F5: variants seen among roughly 807,000 people sequenced by gnomAD.
F5 encodes the protein coagulation factor V, also known as activated protein c cofactor.
Under a neutral mutation model 216.4 loss-of-function variants are expected in F5, and 138 were observed. The observed-to-expected ratio is 0.64, with a 90% confidence interval of 0.56 to 0.73. The LOEUF is 0.73. Ranked by LOEUF, F5 falls within the 30% of genes least tolerant of loss-of-function variation. The probability of loss-of-function intolerance (pLI) is 0.00; values close to 1 mark genes in which losing one functional copy is unlikely to be tolerated. For synonymous variants in F5, 916 were observed against 930.7 expected, an observed-to-expected ratio of 0.98 and a Z score of 0.29; for missense variants, 2,403 against 2,674.0, an observed-to-expected ratio of 0.90 and a Z score of 2.24.
At chr1:169,546,396 C>T (rs775030964) in intron 11 of F5, 46 bp downstream of exon 11, 4 of 1,611,436 alleles carry the variant, frequency 2.5e-6, no homozygotes, top group Non-Finnish European at 3.4e-6. Context: ...CATATTTCAA[C>T]CACAGGAATG....
At chr1:169,573,467 G>A (rs920176827) in intron 2 of F5, among the ~76,000 whole-genome samples, 1 of 152,174 alleles carries the variant, frequency 6.6e-6, no homozygotes, top group Non-Finnish European at 1.5e-5. Context: ...AACGTGATGA[G>A]TAGTGGTTGG....
rs574958040 is a variant in F5 at position 169,535,932 on chromosome 1, G to A, written c.4971+574C>T. Among the ~76,000 whole-genome samples, 8 of 152,188 alleles carry A rather than the reference G, an allele frequency of 5.3e-5. No homozygotes were observed. In the East Asian group the frequency reaches 1.5e-3, roughly 29 times the overall value. On this transcript the variant is annotated intron_variant, in intron 14 of 24. Coordinates refer to ENST00000367797, the MANE Select transcript of F5 (RefSeq NM_000130.5). ...CTGGGTTTTTGAATGTGAGCGGTTA[G>A]CAAAAATGGCGGAAGTAAACTTTGT...
At position 169,544,486 on chromosome 1, in the gene F5, C is replaced by G; in HGVS notation, c.1785G>C (p.Glu595Asp). 6.2e-7 allele frequency: 1 copy of G among 1,614,006 alleles called. No homozygotes were observed. The highest frequency in any genetic ancestry group is 8.5e-7 in the Non-Finnish European group (1 of 1,179,956). The change falls in exon 12 of 25, where the codon GAG becomes GAC. Residue 595 changes from glutamate (E) to aspartate (D), a missense_variant. Physicochemically the swap from Glu to Asp is conservative, Grantham distance 45. This residue lies in a region of F5 where 1,425 missense variants were observed against 1,554.8 expected (regional missense o/e 0.92). Transcript: ENST00000367797. ...AGCAGAATCCAAGAGTAGTTATGCT[C>G]TCAGGCACATAGCCATTGATAGCTG... Reference protein sequence around the residue: ...IMSTINGYVPESITTLGFCFD... With the variant: ...IMSTINGYVPDSITTLGFCFD...
At chr1:169,546,340 C>T in intron 11 of F5, 102 bp downstream of exon 11, 1 of 1,393,666 alleles carries the variant, frequency 7.2e-7, no homozygotes, top group Non-Finnish European at 1.0e-6. Flanking sequence ...TGGAGGTGCC[C>T]CTTAGCGAGT....
intron 10 of F5, among the ~76,000 whole-genome samples, chr1:169,549,344 T>G (rs1660098262): frequency 6.6e-6 from 1 of 152,218 alleles, no homozygotes; most frequent in African/African-American, 2.4e-5. Context: ...TTTGGTTGCT[T>G]TCAGAGAATC....
chr1:169,575,846 T>G (rs761813401), intron 2 of F5, among the ~76,000 whole-genome samples: 2 of 152,084 alleles, frequency 1.3e-5, no homozygotes, highest in Non-Finnish European at 2.9e-5. Context: ...CTCTGGGACC[T>G]GGAAATATGC....
chr1:169,578,420 A>G (rs1016581367), intron 2 of F5, among the ~76,000 whole-genome samples: 1 of 152,238 alleles, frequency 6.6e-6, no homozygotes, highest in African/African-American at 2.4e-5. Context: ...CCTTTTCTTC[A>G]AAAGCTATCC....
At chr1:169,548,004 G>A (rs892444468) in intron 10 of F5, among the ~76,000 whole-genome samples, 2 of 152,198 alleles carry the variant, frequency 1.3e-5, no homozygotes, top group African/African-American at 4.8e-5. Context: ...AGAATACTAT[G>A]TGACCATCAA....
intron 6 of F5, among the ~76,000 whole-genome samples, chr1:169,556,436 A>ACAAAACAAAACAAAAC (rs1660331007): frequency 6.7e-6 from 1 of 149,596 alleles, no homozygotes; most frequent in African/African-American, 2.5e-5. Context: ...AAAAAAAAAA[A>ACAAAACAAAACAAAAC]AAAAACCTTT....
chr1:169,541,674 T>C lies in F5; in HGVS notation c.3416A>G (p.His1139Arg). 2 of 1,613,972 alleles carry C rather than the reference T, an allele frequency of 1.2e-6. No individual in the cohort carries two copies. Among genetic ancestry groups the C allele is most frequent in the Non-Finnish European group, 8.5e-7 (1 of 1,179,952 alleles). ...TCTGTGACTGGGGTCTGAAGTAGAG[T>C]GCATTTGATCAGGGTCTTGAATGGG... ...TFPIQDPDQMHSTSDPSHRSS... is the reference protein window; with the variant it reads ...TFPIQDPDQMRSTSDPSHRSS... The change falls in exon 13 of 25, where the codon CAC becomes CGC. Residue 1139 changes from histidine to arginine, a missense_variant. Transcript: ENST00000367797.
intron 23 of F5, chr1:169,515,850 T>C (rs1571555780): frequency 1.8e-6 from 1 of 543,156 alleles, no homozygotes; most frequent in African/African-American, 1.9e-5. Flanking sequence ...AATTGTTTCC[T>C]TCTTAGCATT....
At chr1:169,555,414 T>C (rs2101829357) in intron 6 of F5, 67 bp from the exon 7 acceptor site, 1 of 1,461,350 alleles carries the variant, frequency 6.8e-7, no homozygotes, top group African/African-American at 1.4e-5. Context: ...GAAATGCATA[T>C]CCTTTAAATC....
At position 169,542,226 on chromosome 1, in the gene F5, C is replaced by A. The variant is rs199507543; in HGVS notation, c.2864G>T (p.Ser955Ile). The A allele has an allele frequency of 1.5e-4, 243 of 1,613,968 alleles. No homozygotes were observed. Among genetic ancestry groups the A allele is most frequent in the Non-Finnish European group, 1.0e-4 (122 of 1,179,996 alleles). The change falls in exon 13 of 25, where the codon AGC (serine) becomes ATC (isoleucine). Residue 955 changes from serine (S) to isoleucine (I), a missense_variant. Coordinates refer to ENST00000367797, the MANE Select transcript of F5 (RefSeq NM_000130.5). ...ATCAGTATCTTGGATTATTTCATAG[C>A]TACCTTTCTCAGAAGCCAAATGCCA... Reference protein sequence around the residue: ...GRWHLASEKGSYEIIQDTDED... With the variant: ...GRWHLASEKGIYEIIQDTDED...
chr1:169,580,925 A>T (rs930561713), intron 2 of F5, among the ~76,000 whole-genome samples: 1 of 152,118 alleles, frequency 6.6e-6, no homozygotes, highest in Non-Finnish European at 1.5e-5. Flanking sequence ...GTACTTATTA[A>T]CTCAATTGAT....
intron 21 of F5, among the ~76,000 whole-genome samples, chr1:169,521,615 A>ATTTTTTTTTTTTTTTT (rs35651599): frequency 9.4e-6 from 1 of 106,268 alleles, no homozygotes; most frequent in Non-Finnish European, 1.8e-5. Context: ...CTGTGAAAAG[A>ATTTTTTTTTTTTTTTT]TTTTTTTTTT....
At chr1:169,566,337 G>T (rs17521545) in intron 3 of F5, among the ~76,000 whole-genome samples, 36,669 of 151,972 alleles carry the variant, frequency 0.24, 5,330 homozygotes, top group South Asian at 0.36. Context: ...TCCCCTAAGG[G>T]CAAAACATTA....
intron 2 of F5, among the ~76,000 whole-genome samples, chr1:169,575,463 A>C (rs907827977): frequency 1.7e-4 from 26 of 152,274 alleles, no homozygotes; most frequent in African/African-American, 6.3e-4. Flanking sequence ...AACATGGACC[A>C]GATTTTGGTT....
intron 17 of F5, among the ~76,000 whole-genome samples, chr1:169,527,472 C>A (rs1401374376): frequency 1.3e-5 from 2 of 151,926 alleles, no homozygotes; most frequent in African/African-American, 2.4e-5. Flanking sequence ...GTCTATAAGT[C>A]AGTTTAAGAA....
chr1:169,530,147 T>C (rs929340103), intron 15 of F5, among the ~76,000 whole-genome samples: 1 of 152,204 alleles, frequency 6.6e-6, no homozygotes, highest in Non-Finnish European at 1.5e-5. Context: ...TCTTATATGG[T>C]AAATATAAAT....
Sources: gnomAD v4.1 joint callset for allele counts (sites outside exome capture counted in the v4.1 genomes callset) on GRCh38, gnomAD v4.1.1 for gene constraint, gnomAD v4.1.1 regional missense constraint, MANE v1.5 for transcripts, NCBI Gene and HGNC (gene_info 2026-07-23, HGNC 2026-07-21) for gene names.